Variants in PTPRD observed in about 807,000 individuals in gnomAD.
PTPRD encodes the protein receptor-type tyrosine-protein phosphatase delta.
Under a neutral mutation model 214.5 loss-of-function variants are expected in PTPRD, and 34 were observed. The ratio of observed to expected loss-of-function variants is 0.16; its 90% CI spans 0.12 to 0.21. The LOEUF (loss-of-function observed/expected upper bound fraction) is 0.21, where lower values mean the gene tolerates loss of function less well. PTPRD is among the 10% of genes least tolerant of loss of function. PTPRD has a pLI of 1.00. For missense variants in PTPRD, 2,545 were observed against 2,398.7 expected (o/e 1.06, Z -1.27); for synonymous variants, 1,128 against 845.7 (o/e 1.33, Z -5.79).
At chr9:10,136,621 A>T (rs1349550203) in intron 3 of PTPRD, among the ~76,000 whole-genome samples, 1 of 86,190 alleles carries the variant, frequency 1.2e-5, no homozygotes, top group Non-Finnish European at 2.3e-5. Flanking sequence ...AGGCATTACC[A>T]TTCAGGACAT....
chr9:9,203,513 A>G (rs572113699), intron 9 of PTPRD, among the ~76,000 whole-genome samples: 67 of 152,286 alleles, frequency 4.4e-4, no homozygotes, highest in African/African-American at 1.6e-3. Flanking sequence ...TCTATAAGTC[A>G]TTAACTCTGT....
At chr9:8,389,518 G>T in intron 36 of PTPRD, 111 bp from the exon 37 acceptor site, 1 of 736,752 alleles carries the variant, frequency 1.4e-6, no homozygotes, top group Non-Finnish European at 2.1e-6. Context: ...CACTAGAGAA[G>T]TCACAATATA....
intron 11 of PTPRD, among the ~76,000 whole-genome samples, chr9:8,799,245 T>C (rs1026388290): frequency 1.3e-5 from 2 of 152,218 alleles, no homozygotes; most frequent in African/African-American, 4.8e-5. Flanking sequence ...ACTTCCCATG[T>C]TCACTGTCCT....
At chr9:10,574,020 C>A (rs2068329108) in intron 2 of PTPRD, among the ~76,000 whole-genome samples, 1 of 151,988 alleles carries the variant, frequency 6.6e-6, no homozygotes, top group Admixed American at 6.6e-5. Flanking sequence ...GGGGAGTTTG[C>A]CAAGGAAGAA....
At chr9:9,936,526 T>C (rs1312468993) in intron 5 of PTPRD, among the ~76,000 whole-genome samples, 1 of 146,722 alleles carries the variant, frequency 6.8e-6, no homozygotes, top group African/African-American at 2.6e-5. Context: ...CACAATGAGA[T>C]ACAATCTCAC....
chr9:9,853,374 A>T (rs189934970), intron 5 of PTPRD, among the ~76,000 whole-genome samples: 27 of 152,304 alleles, frequency 1.8e-4, no homozygotes, highest in African/African-American at 5.8e-4. Context: ...CCATTTACAA[A>T]TGTAGAACAA....
At chr9:9,718,213 G>A (rs567595948) in intron 7 of PTPRD, among the ~76,000 whole-genome samples, 5 of 152,254 alleles carry the variant, frequency 3.3e-5, no homozygotes, top group Admixed American at 3.3e-4. Flanking sequence ...TTTTATAAGA[G>A]GAGATGGCAT....
intron 9 of PTPRD, among the ~76,000 whole-genome samples, chr9:9,244,995 T>C (rs949526144): frequency 2.0e-5 from 3 of 152,140 alleles, no homozygotes; most frequent in African/African-American, 7.2e-5. Flanking sequence ...CAGACACTTC[T>C]CAAAAGAAGA....
intron 12 of PTPRD, among the ~76,000 whole-genome samples, chr9:8,707,134 G>C (rs2098226944): frequency 1.3e-5 from 2 of 152,180 alleles, no homozygotes; most frequent in East Asian, 1.9e-4. Context: ...TTGAGTATAG[G>C]ACCTTAAGGA....
At chr9:8,960,632 G>A (rs1165785196) in intron 11 of PTPRD, among the ~76,000 whole-genome samples, 1 of 152,112 alleles carries the variant, frequency 6.6e-6, no homozygotes, top group Non-Finnish European at 1.5e-5. Flanking sequence ...TTAAAGATCT[G>A]TTAGTCCTGA....
chr9:9,138,361 T>C (rs1459216113), intron 10 of PTPRD, among the ~76,000 whole-genome samples: 1 of 152,120 alleles, frequency 6.6e-6, no homozygotes, highest in Non-Finnish European at 1.5e-5. Context: ...AAAGAAGTTC[T>C]CAATGACTGT....
chr9:8,361,243 T>C (rs547724300), intron 39 of PTPRD, among the ~76,000 whole-genome samples: 2 of 152,088 alleles, frequency 1.3e-5, no homozygotes, highest in East Asian at 3.9e-4. Context: ...AAAAGAAAAA[T>C]TTTAGCAGGG....
At chr9:9,445,112 A>G (rs1360057157) in intron 8 of PTPRD, among the ~76,000 whole-genome samples, 2 of 152,170 alleles carry the variant, frequency 1.3e-5, no homozygotes, top group Admixed American at 6.5e-5. Context: ...ATATTTCACA[A>G]GTTTAGTTGA....
chr9:8,395,286 T>C (rs995903493), intron 36 of PTPRD, among the ~76,000 whole-genome samples: 3 of 152,170 alleles, frequency 2.0e-5, no homozygotes, highest in East Asian at 1.9e-4. Flanking sequence ...TAACACTATA[T>C]TGCTGTTAAT....
At chr9:8,971,586 C>A (rs1236786346) in intron 11 of PTPRD, among the ~76,000 whole-genome samples, 1 of 151,608 alleles carries the variant, frequency 6.6e-6, no homozygotes, top group African/African-American at 2.4e-5. Context: ...TGAACATGAT[C>A]TATAATTACA....
intron 14 of PTPRD, among the ~76,000 whole-genome samples, chr9:8,617,739 T>G (rs1204253386): frequency 6.6e-6 from 1 of 152,100 alleles, no homozygotes; most frequent in African/African-American, 2.4e-5. Context: ...ATAAACTTTC[T>G]TAAAAATAAG....
At chr9:10,129,107 T>G (rs1388399398) in intron 3 of PTPRD, among the ~76,000 whole-genome samples, 1 of 152,160 alleles carries the variant, frequency 6.6e-6, no homozygotes, top group Non-Finnish European at 1.5e-5. Flanking sequence ...ACTCCTGATA[T>G]GAATTAAGAA....
chr9:9,177,264 G>T (rs560172670), intron 10 of PTPRD, among the ~76,000 whole-genome samples: 1 of 151,978 alleles, frequency 6.6e-6, no homozygotes, highest in Non-Finnish European at 1.5e-5. Context: ...AAAGAAAACA[G>T]CATGGGGGAA....
chr9:10,346,404 A>G (rs1565443381), intron 2 of PTPRD, among the ~76,000 whole-genome samples: 1 of 152,206 alleles, frequency 6.6e-6, no homozygotes, highest in African/African-American at 2.4e-5. Flanking sequence ...GGAATTGAAA[A>G]TTGACACATA....
Sources: allele counts gnomAD v4.1 joint callset (sites outside exome capture counted in the v4.1 genomes callset), GRCh38; gene constraint gnomAD v4.1.1; transcripts MANE v1.5; gene names NCBI Gene and HGNC (gene_info 2026-07-23, HGNC 2026-07-21).